The following QKI variants were observed in gnomAD, a reference collection of about 807,000 sequenced individuals.
QKI encodes KH domain-containing RNA-binding protein QKI.
In QKI, 10 loss-of-function variants were observed where a neutral mutation model predicts 39.0. That is an observed-to-expected ratio of 0.26 (90% CI 0.16 to 0.43). The LOEUF is 0.43. Among genes scored for constraint, QKI ranks in the 20% least tolerant of loss-of-function variants. QKI has a pLI of 1.00. For synonymous variants in QKI, 204 were observed against 155.4 expected, an observed-to-expected ratio of 1.31 and a Z score of -2.33; for missense variants, 218 against 428.0, an observed-to-expected ratio of 0.51 and a Z score of 4.33.
intron 1 of QKI, among the ~76,000 whole-genome samples, chr6:163,445,763 C>T (rs953246096): frequency 6.6e-6 from 1 of 151,994 alleles, no homozygotes; most frequent in African/African-American, 2.4e-5. Context: ...TACAGGCGCC[C>T]GCCACCACGC....
chr6:163,454,483 G>T (rs1790787843), intron 1 of QKI, among the ~76,000 whole-genome samples: 1 of 152,004 alleles, frequency 6.6e-6, no homozygotes, highest in African/African-American at 2.4e-5. Context: ...GTGGCTTAGT[G>T]GTCAAATCCA....
intron 4 of QKI, among the ~76,000 whole-genome samples, chr6:163,555,086 T>C (rs1178213084): frequency 1.3e-5 from 2 of 152,320 alleles, no homozygotes; most frequent in South Asian, 2.1e-4. Context: ...TTCTCTGATA[T>C]TTGTTATTCT....
chr6:163,416,320 C>T (rs1048716921), intron 1 of QKI: 4 of 168,270 alleles, frequency 2.4e-5, no homozygotes, highest in South Asian at 1.1e-4. Context: ...ATAGCAGTAC[C>T]TGAAGTATTA....
intron 3 of QKI, among the ~76,000 whole-genome samples, chr6:163,500,556 C>G (rs1251071783): frequency 6.6e-6 from 1 of 152,058 alleles, no homozygotes; most frequent in African/African-American, 2.4e-5. Context: ...ATTTATATTT[C>G]CAATTTCCTC....
chr6:163,563,525 C>G lies in QKI; in HGVS notation c.740C>G (p.Ala247Gly). Reference protein sequence around the residue: ...PPAALRTPTPAGPTIMPLIRQ... With the variant: ...PPAALRTPTPGGPTIMPLIRQ... ...GCTGCCCTGCGTACTCCTACGCCAGCTGGCCCTACCATAATGCCTTTGATC... is the reference window on the plus strand; with the variant it reads ...GCTGCCCTGCGTACTCCTACGCCAGGTGGCCCTACCATAATGCCTTTGATC... The change falls in exon 6 of 8, where the codon GCT (alanine) becomes GGT (glycine). Residue 247 changes from alanine (A) to glycine (G), a missense_variant. By Grantham distance (60) the Ala-to-Gly change is moderately conservative. Coordinates refer to ENST00000361752, the MANE Select transcript of QKI (RefSeq NM_006775.3). The G allele has an allele frequency of 1.2e-6, 2 of 1,614,212 alleles. No individual in the cohort carries two copies. Among genetic ancestry groups the G allele is most frequent in the Non-Finnish European group, 8.5e-7 (1 of 1,180,042 alleles).
At chr6:163,526,198 G>T (rs1262566678) in intron 3 of QKI, among the ~76,000 whole-genome samples, 1 of 152,176 alleles carries the variant, frequency 6.6e-6, no homozygotes, top group Admixed American at 6.5e-5. Flanking sequence ...GGGTATATTT[G>T]ATTGAAAGAT....
At chr6:163,518,893 G>A (rs1453093170) in intron 3 of QKI, among the ~76,000 whole-genome samples, 1 of 152,030 alleles carries the variant, frequency 6.6e-6, no homozygotes, top group Non-Finnish European at 1.5e-5. Flanking sequence ...ATACCTGTGA[G>A]GTAAGCCTAG....
chr6:163,538,192 A>G (rs1339850684), intron 4 of QKI, among the ~76,000 whole-genome samples: 4 of 152,210 alleles, frequency 2.6e-5, no homozygotes, highest in South Asian at 2.1e-4. Flanking sequence ...GGATACACCA[A>G]TAATAAATAA....
chr6:163,576,111 GAA>G lies in QKI; in HGVS notation c.*5406_*5407del, dbSNP rs1039313835. On this transcript the variant is annotated 3_prime_UTR_variant, in exon 8 of 8. Coordinates refer to ENST00000361752, the MANE Select transcript of QKI (RefSeq NM_006775.3). ...TTCCTTAATACCTTTATTTAAAATG[GAA>G]AAAATATGGACAATATTTTAGAAAT... The G allele has an allele frequency of 6.6e-6, 1 of 152,056 alleles. No homozygotes were observed. Among genetic ancestry groups the G allele is most frequent in the Middle Eastern group, 3.2e-3 (1 of 316 alleles). The allele number at this position is 152,056 out of a possible 1,614,324, so 9.4% of individuals were successfully genotyped here.
At chr6:163,437,070 T>C (rs1399796418) in intron 1 of QKI, among the ~76,000 whole-genome samples, 1 of 152,146 alleles carries the variant, frequency 6.6e-6, no homozygotes, top group Non-Finnish European at 1.5e-5. Flanking sequence ...GTCATTTGTT[T>C]TATTTGGCTG....
At chr6:163,546,326 G>C (rs942759069) in intron 4 of QKI, among the ~76,000 whole-genome samples, 1 of 151,786 alleles carries the variant, frequency 6.6e-6, no homozygotes, top group Non-Finnish European at 1.5e-5. Flanking sequence ...TATAGGCAAA[G>C]TATTTGTAAT....
At chr6:163,512,844 C>T (rs1779565355) in intron 3 of QKI, among the ~76,000 whole-genome samples, 1 of 151,840 alleles carries the variant, frequency 6.6e-6, no homozygotes, top group African/African-American at 2.4e-5. Context: ...AAGAGTTGGC[C>T]ATAAAGGATG....
chr6:163,572,679 C>CCCCG lies in QKI; in HGVS notation c.*1971_*1972insCGCC, dbSNP rs1251766399. The CCCCG allele has an allele frequency of 1.1e-5, 1 of 91,284 alleles. No homozygotes were observed. The highest frequency in any genetic ancestry group is 2.3e-5 in the Non-Finnish European group (1 of 43,954). 5.7% of individuals were successfully genotyped at this position (91,284 alleles called of 1,614,324 possible). A position where few individuals can be genotyped will look rare whatever the true frequency, so the allele number is the denominator to read the frequency against. ...TCTCAAGTGACAGTGGACCCCCCCC[C>CCCCG]CCGCCCAGCTTATCAACTCGTCCCC... On this transcript the variant is annotated 3_prime_UTR_variant, in exon 8 of 8. Transcript: ENST00000361752.
intron 3 of QKI, among the ~76,000 whole-genome samples, chr6:163,491,702 C>A (rs982261049): frequency 6.6e-6 from 1 of 151,912 alleles, no homozygotes; most frequent in African/African-American, 2.4e-5. Flanking sequence ...GCTTTTTGCC[C>A]ATTGTTAAGA....
At chr6:163,481,934 C>T (rs1417326637) in intron 3 of QKI, among the ~76,000 whole-genome samples, 1 of 152,200 alleles carries the variant, frequency 6.6e-6, no homozygotes, top group Non-Finnish European at 1.5e-5. Context: ...CACCTGTAAT[C>T]TCAGCACTTT....
At chr6:163,415,778 C>G (rs940989067) in intron 1 of QKI, 2 of 337,634 alleles carry the variant, frequency 5.9e-6, no homozygotes, top group African/African-American at 2.3e-5. Context: ...CTCGGCCTCC[C>G]GAGCCTGCTC....
At position 163,533,005 on chromosome 6, in the gene QKI, A is replaced by G. The variant is rs550712398; in HGVS notation, c.403-1977A>G. Among the ~76,000 whole-genome samples, 22 of 152,244 alleles carry G rather than the reference A, an allele frequency of 1.4e-4. No individual in the cohort carries two copies. In the South Asian group the frequency reaches 4.4e-3, roughly 30 times the overall value. On this transcript the variant is annotated intron_variant, in intron 3 of 7. Coordinates refer to ENST00000361752, the MANE Select transcript of QKI (RefSeq NM_006775.3). ...CAGTTTTTTGGTTGTTTCAGCAGGA[A>G]GGTGAATCTGGTTCCTGTTACTATA...
intron 2 of QKI, among the ~76,000 whole-genome samples, chr6:163,471,164 A>C (rs993707672): frequency 2.0e-5 from 3 of 152,186 alleles, no homozygotes; most frequent in Non-Finnish European, 4.4e-5. Flanking sequence ...GATCACCTTC[A>C]AAGGAGCAGC....
At chr6:163,529,501 A>G (rs755986751) in intron 3 of QKI, among the ~76,000 whole-genome samples, 1 of 152,184 alleles carries the variant, frequency 6.6e-6, no homozygotes, top group Non-Finnish European at 1.5e-5. Context: ...AAGACAATGC[A>G]CAGATAACTA....
Sources: gnomAD v4.1 joint callset for allele counts (sites outside exome capture counted in the v4.1 genomes callset) on GRCh38, gnomAD v4.1.1 for gene constraint, MANE v1.5 for transcripts, NCBI Gene and HGNC (gene_info 2026-07-23, HGNC 2026-07-21) for gene names.